The following WASL variants were observed in gnomAD, a reference collection of about 807,000 sequenced individuals.
WASL encodes WASP like actin nucleation promoting factor, also known as actin nucleation-promoting factor WASL.
A neutral mutation model predicts 55.5 loss-of-function variants in WASL; 20 were observed. The observed-to-expected ratio is 0.36, with a 90% CI of 0.25 to 0.52. The LOEUF (loss-of-function observed/expected upper bound fraction) is 0.52, where lower values mean the gene tolerates loss of function less well. Among genes scored for constraint, WASL ranks in the 20% least tolerant of loss-of-function variants. The pLI, the probability that WASL is intolerant of heterozygous loss-of-function variation, is 0.92. For missense variants in WASL, 504 were observed against 622.5 expected (o/e 0.81, Z 2.03); for synonymous variants, 249 against 217.6 (o/e 1.14, Z -1.27).
chr7:123,700,733 C>T (rs888383349), intron 5 of WASL, among the ~76,000 whole-genome samples: 12 of 152,166 alleles, frequency 7.9e-5, no homozygotes, highest in Non-Finnish European at 1.5e-4. Flanking sequence ...CCACCGTGCC[C>T]GGCCAACTAT....
At chr7:123,696,377 A>G (rs1468438645) in intron 6 of WASL, among the ~76,000 whole-genome samples, 2 of 151,796 alleles carry the variant, frequency 1.3e-5, no homozygotes, top group Admixed American at 6.6e-5. Context: ...TAAATAAACC[A>G]TAAGATTCCA....
At chr7:123,738,947 G>T (rs1470022987) in intron 1 of WASL, among the ~76,000 whole-genome samples, 1 of 151,976 alleles carries the variant, frequency 6.6e-6, no homozygotes, top group African/African-American at 2.4e-5. Context: ...TTATGAATTT[G>T]GATTGGGCCA....
At chr7:123,736,393 T>A (rs192403709) in intron 1 of WASL, among the ~76,000 whole-genome samples, 1 of 152,124 alleles carries the variant, frequency 6.6e-6, no homozygotes, top group East Asian at 1.9e-4. Context: ...TGAATAAATA[T>A]AAGGTTTTTT....
chr7:123,689,087 A>G lies in WASL; in HGVS notation c.1411T>C (p.Leu471=), dbSNP rs1327730659. ...CTCCTTTTCTGCATCACTTCCATTA[A>G]TGCACCCACAATTCCTGAAGTGGGT... The part of the protein sequence containing the change: ...PAPTSGIVGA[L]MEVMQKRSKA... The change falls in exon 10 of 11, where the codon TTA becomes CTA. Residue 471 remains leucine, a synonymous_variant. Coordinates refer to ENST00000223023, the MANE Select transcript of WASL (RefSeq NM_003941.4). The G allele has an allele frequency of 6.2e-7, 1 of 1,613,554 alleles. No individual in the cohort carries two copies. Among genetic ancestry groups the G allele is most frequent in the Admixed American group, 1.7e-5 (1 of 59,970 alleles).
chr7:123,691,767 C>T (rs1803412687), intron 9 of WASL, among the ~76,000 whole-genome samples: 1 of 152,176 alleles, frequency 6.6e-6, no homozygotes. Context: ...TATTACAACT[C>T]TTTCAATTTT....
At chr7:123,733,868 T>A (rs1804181079) in intron 1 of WASL, among the ~76,000 whole-genome samples, 1 of 118,738 alleles carries the variant, frequency 8.4e-6, no homozygotes, top group South Asian at 2.5e-4. Context: ...AAAGAACTGA[T>A]AATAATCTTC....
At chr7:123,691,441 G>T (rs548877300) in intron 9 of WASL, among the ~76,000 whole-genome samples, 1 of 152,024 alleles carries the variant, frequency 6.6e-6, no homozygotes, top group African/African-American at 2.4e-5. Flanking sequence ...ATTTTTAAAT[G>T]GCTGAAAGAA....
intron 5 of WASL, among the ~76,000 whole-genome samples, chr7:123,699,584 A>T (rs2116778068): frequency 6.6e-6 from 1 of 152,314 alleles, no homozygotes; most frequent in African/African-American, 2.4e-5. Flanking sequence ...CAGTTGGATA[A>T]AGTTAAGTTT....
chr7:123,703,079 A>C (rs908648376), intron 5 of WASL, among the ~76,000 whole-genome samples: 7 of 152,228 alleles, frequency 4.6e-5, no homozygotes, highest in Non-Finnish European at 7.3e-5. Context: ...CTACTACATT[A>C]AAAGTTCACA....
rs887160005 is a variant in WASL at position 123,696,594 on chromosome 7, G to A, written c.614C>T (p.Thr205Ile). The A allele has an allele frequency of 1.9e-6, 3 of 1,580,246 alleles. No individual in the cohort carries two copies. Among genetic ancestry groups the A allele is most frequent in the Non-Finnish European group, 2.6e-6 (3 of 1,165,346 alleles). ...ACTGTCTTACTGGAAATTGCTTGGT[G>A]TTCCTATATCTGCCTTGGTTAATCT... The part of the protein sequence containing the change: ...KKRLTKADIG[T>I]PSNFQHIGHV... The change falls in exon 6 of 11, where the codon ACA (threonine) becomes ATA (isoleucine). Residue 205 changes from threonine to isoleucine, a missense_variant. Transcript: ENST00000223023.
intron 6 of WASL, 51 bp downstream of exon 6, chr7:123,696,528 G>A (rs1332250912): frequency 6.9e-7 from 1 of 1,455,924 alleles, no homozygotes; most frequent in African/African-American, 1.4e-5. Context: ...ATCAAGAACA[G>A]CAATGAATAA....
chr7:123,742,903 G>A (rs544712370), intron 1 of WASL, among the ~76,000 whole-genome samples: 1 of 152,184 alleles, frequency 6.6e-6, no homozygotes, highest in Non-Finnish European at 1.5e-5. Flanking sequence ...ATATATGCTA[G>A]AGTTAACATT....
intron 9 of WASL, 29 bp from the exon 10 acceptor site, chr7:123,689,179 T>C (rs768443142): frequency 2.5e-6 from 4 of 1,570,572 alleles, no homozygotes; most frequent in African/African-American, 2.7e-5. Context: ...CAAAACTCAG[T>C]AATAAATCTT....
At chr7:123,709,321 C>T in intron 1 of WASL, 98 bp from the exon 2 acceptor site, 2 of 955,632 alleles carry the variant, frequency 2.1e-6, no homozygotes, top group Non-Finnish European at 2.9e-6. Flanking sequence ...AGCTAAGCTG[C>T]TCCTAAATTC....
chr7:123,737,090 AAAG>A (rs1255962277), intron 1 of WASL, among the ~76,000 whole-genome samples: 23 of 152,212 alleles, frequency 1.5e-4, no homozygotes, highest in African/African-American at 3.4e-4. Context: ...GGCCACATTC[AAAG>A]AAGAATTGTT....
chr7:123,729,635 T>C (rs1379223523), intron 1 of WASL, among the ~76,000 whole-genome samples: 1 of 152,178 alleles, frequency 6.6e-6, no homozygotes, highest in Non-Finnish European at 1.5e-5. Context: ...CAATCTACAA[T>C]GTAGCACTAA....
At chr7:123,726,228 G>A (rs1804037249) in intron 1 of WASL, among the ~76,000 whole-genome samples, 1 of 152,086 alleles carries the variant, frequency 6.6e-6, no homozygotes, top group Admixed American at 6.6e-5. Context: ...ATTAAAAAGG[G>A]TTCCAAGTCA....
At position 123,692,643 on chromosome 7, in the gene WASL, G is replaced by C; in HGVS notation, c.1051C>G (p.Pro351Ala). The change falls in exon 9 of 11, where the codon CCC (proline) becomes GCC (alanine). Residue 351 changes from proline (P) to alanine (A), a missense_variant. By Grantham distance (27) the Pro-to-Ala change is conservative. Around this residue, in one of 5 missense-constraint regions of WASL, gnomAD observed 201 missense variants for 206.2 expected, o/e 0.97. Transcript: ENST00000223023. The part of the protein sequence containing the change: ...RMYPPPPPAL[P>A]SSAPSGPPPP... ...GGAGGCCCTGAAGGTGCTGAGGAGGGAAGGGCTGGAGGTGGAGGAGGGTAC... is the reference window on the plus strand; with the variant it reads ...GGAGGCCCTGAAGGTGCTGAGGAGGCAAGGGCTGGAGGTGGAGGAGGGTAC... 1 of 1,582,292 alleles carries C rather than the reference G, an allele frequency of 6.3e-7. No individual in the cohort carries two copies. The highest frequency in any genetic ancestry group is 8.6e-7 in the Non-Finnish European group (1 of 1,165,946).
intron 1 of WASL, among the ~76,000 whole-genome samples, chr7:123,712,164 T>C (rs1803769529): frequency 3.3e-5 from 5 of 152,180 alleles, no homozygotes. Flanking sequence ...GTTTGGTTTT[T>C]TTTTCACATT....
Sources: allele counts gnomAD v4.1 joint callset (sites outside exome capture counted in the v4.1 genomes callset), GRCh38; gene constraint gnomAD v4.1.1; regional missense constraint gnomAD v4.1.1; transcripts MANE v1.5; gene names NCBI Gene and HGNC (gene_info 2026-07-23, HGNC 2026-07-21).